Variants in SLAMF6 observed in about 807,000 individuals in gnomAD.
The protein encoded by SLAMF6 is NK-T-B-antigen.
A neutral mutation model predicts 38.3 loss-of-function variants in SLAMF6; 21 were observed. The observed-to-expected ratio is 0.55, with a 90% CI of 0.39 to 0.79. The LOEUF (loss-of-function observed/expected upper bound fraction) is 0.79. SLAMF6 is among the 30% of genes least tolerant of loss of function. SLAMF6 has a pLI of 0.00. For missense variants in SLAMF6, 341 were observed against 385.3 expected (o/e 0.89, Z 0.96); for synonymous variants, 152 against 146.3 (o/e 1.04, Z -0.28).
intron 1 of SLAMF6, among the ~76,000 whole-genome samples, chr1:160,519,170 A>G (rs370054880): frequency 2.0e-5 from 3 of 152,234 alleles, no homozygotes; most frequent in South Asian, 2.1e-4. Context: ...CATTTCTCCA[A>G]AGAGGATATA....
chr1:160,518,745 G>T, intron 1 of SLAMF6, among the ~76,000 whole-genome samples: 1 of 151,796 alleles, frequency 6.6e-6, no homozygotes, highest in East Asian at 1.9e-4. Context: ...GAAGGGGAAT[G>T]ACACACACTG....
intron 1 of SLAMF6, among the ~76,000 whole-genome samples, chr1:160,520,570 A>G (rs1235519492): frequency 6.6e-6 from 1 of 152,206 alleles, no homozygotes; most frequent in Non-Finnish European, 1.5e-5. Flanking sequence ...AAAAATCAAA[A>G]TGAAGAAACA....
Position 160,486,571 on chromosome 1 carries a change from T to A in SLAMF6, c.*136A>T. 1 of 839,180 alleles carries A rather than the reference T, an allele frequency of 1.2e-6. No individual in the cohort carries two copies. The allele number at this position is 839,180 out of a possible 1,614,324, so 52.0% of individuals were successfully genotyped here. A position where few individuals can be genotyped will look rare whatever the true frequency, so the allele number is the denominator to read the frequency against. On this transcript the variant is annotated 3_prime_UTR_variant, in exon 8 of 8. Coordinates refer to ENST00000368057, the MANE Select transcript of SLAMF6 (RefSeq NM_001184714.2). The stretch of plus-strand genomic sequence containing the variant: ...GTAGGCAGGTTTAAGTCCGAAGGAC[T>A]GGAGGTGATCATCCTATCCTAGATA...
intron 2 of SLAMF6, among the ~76,000 whole-genome samples, chr1:160,493,072 T>G (rs1398608606): frequency 6.6e-6 from 1 of 152,218 alleles, no homozygotes; most frequent in East Asian, 1.9e-4. Flanking sequence ...CAAAACCTTC[T>G]GATGGTTTTC....
chr1:160,496,364 G>A lies in SLAMF6; in HGVS notation c.79C>T (p.Pro27Ser). 6.2e-7 allele frequency: 1 copy of A among 1,613,512 alleles called. No individual in the cohort carries two copies. Among genetic ancestry groups the A allele is most frequent in the East Asian group, 2.2e-5 (1 of 44,872 alleles). ...CCCAGAATCCCGTTCACCATCAATG[G>A]GGTTAAGCTGCTTTGTGAAACTACA... Reference protein sequence around the residue: ...GNVVSQSSLTPLMVNGILGES... With the variant: ...GNVVSQSSLTSLMVNGILGES... Residue 27 changes from proline to serine, a missense_variant, in exon 2 of 8, where the codon CCA (proline) becomes TCA (serine). Pro to Ser is a moderately conservative substitution (Grantham distance 74). Transcript: ENST00000368057.
chr1:160,502,075 G>A (rs1259381659), intron 1 of SLAMF6, among the ~76,000 whole-genome samples: 1 of 152,190 alleles, frequency 6.6e-6, no homozygotes, highest in Non-Finnish European at 1.5e-5. Context: ...GTTGTGGTGT[G>A]GCCCAGAGGG....
At chr1:160,505,382 T>C (rs1165302894) in intron 1 of SLAMF6, among the ~76,000 whole-genome samples, 2 of 152,188 alleles carry the variant, frequency 1.3e-5, no homozygotes, top group Non-Finnish European at 2.9e-5. Flanking sequence ...AGATACTGGA[T>C]TTGCTAGACA....
intron 1 of SLAMF6, among the ~76,000 whole-genome samples, chr1:160,521,418 A>G (rs1654977682): frequency 6.6e-6 from 1 of 152,160 alleles, no homozygotes; most frequent in Non-Finnish European, 1.5e-5. Context: ...AATAGGGAGA[A>G]GAAGAGGAGT....
At chr1:160,504,307 T>A (rs1654068493) in intron 1 of SLAMF6, among the ~76,000 whole-genome samples, 1 of 152,208 alleles carries the variant, frequency 6.6e-6, no homozygotes, top group East Asian at 1.9e-4. Context: ...CAGTGCAAGA[T>A]AATGAATATG....
At chr1:160,505,564 G>A (rs536171881) in intron 1 of SLAMF6, among the ~76,000 whole-genome samples, 1 of 152,134 alleles carries the variant, frequency 6.6e-6, no homozygotes, top group Admixed American at 6.6e-5. Flanking sequence ...ACCATCCCTG[G>A]CTAATTTTTA....
intron 1 of SLAMF6, among the ~76,000 whole-genome samples, chr1:160,509,341 C>A (rs529528483): frequency 2.6e-5 from 4 of 152,316 alleles, no homozygotes; most frequent in Non-Finnish European, 5.9e-5. Flanking sequence ...AGGAAGAGCT[C>A]TTGTCCTTTG....
chr1:160,499,566 T>C (rs1653772452), intron 1 of SLAMF6, among the ~76,000 whole-genome samples: 1 of 152,144 alleles, frequency 6.6e-6, no homozygotes, highest in African/African-American at 2.4e-5. Context: ...TCCATATGAA[T>C]TTTAGAATGG....
At position 160,486,552 on chromosome 1, in the gene SLAMF6, A is replaced by C. The variant is rs1652970677; in HGVS notation, c.*155T>G. Reference sequence around the variant, plus strand: ...CCTTAGGTGTTTGACTCAGGTAGGCAGGTTTAAGTCCGAAGGACTGGAGGT... The same window carrying C: ...CCTTAGGTGTTTGACTCAGGTAGGCCGGTTTAAGTCCGAAGGACTGGAGGT... On this transcript the variant is annotated 3_prime_UTR_variant, in exon 8 of 8. Coordinates refer to ENST00000368057, the MANE Select transcript of SLAMF6 (RefSeq NM_001184714.2). The C allele has an allele frequency of 1.5e-6, 1 of 668,900 alleles. No individual in the cohort carries two copies. Among genetic ancestry groups the C allele is most frequent in the Non-Finnish European group, 2.6e-6 (1 of 390,152 alleles). The allele number at this position is 668,900 out of a possible 1,614,324, so 41.4% of individuals were successfully genotyped here. A position where few individuals can be genotyped will look rare whatever the true frequency, so the allele number is the denominator to read the frequency against.
At chr1:160,488,682 T>TG (rs1348383149) in intron 6 of SLAMF6, among the ~76,000 whole-genome samples, 9 of 152,128 alleles carry the variant, frequency 5.9e-5, no homozygotes, top group African/African-American at 2.2e-4. Context: ...GAGTGAGAAG[T>TG]CAGCCACCTG....
intron 1 of SLAMF6, among the ~76,000 whole-genome samples, chr1:160,509,265 C>A (rs1654347189): frequency 6.6e-6 from 1 of 152,148 alleles, no homozygotes; most frequent in Non-Finnish European, 1.5e-5. Context: ...AAATGTCCAA[C>A]AATGATAGAC....
Position 160,496,030 on chromosome 1 carries a change from A to T in SLAMF6, c.382+31T>A, listed in dbSNP as rs1653557091. The T allele has an allele frequency of 2.5e-6, 4 of 1,578,454 alleles. No homozygotes were observed. In the South Asian group the frequency reaches 4.5e-5, roughly 18 times the overall value. On this transcript the variant is annotated intron_variant, in intron 2 of 7. Transcript: ENST00000368057. ...GGAATACATGTATATTTTTCAGTCC[A>T]TATGGAATTAAACCCCATATTTTGA...
chr1:160,522,604 C>T (rs4304580), intron 1 of SLAMF6, among the ~76,000 whole-genome samples: 2 of 145,624 alleles, frequency 1.4e-5, no homozygotes, highest in Non-Finnish European at 3.0e-5. Flanking sequence ...CTAATTTGCA[C>T]TAAAGGAGGG....
At chr1:160,502,205 G>T (rs963223108) in intron 1 of SLAMF6, among the ~76,000 whole-genome samples, 1 of 152,168 alleles carries the variant, frequency 6.6e-6, no homozygotes, top group Non-Finnish European at 1.5e-5. Context: ...CATCTAAATG[G>T]CTCTGCTGGC....
intron 1 of SLAMF6, among the ~76,000 whole-genome samples, chr1:160,521,720 A>G (rs1654993739): frequency 6.6e-6 from 1 of 152,100 alleles, no homozygotes; most frequent in African/African-American, 2.4e-5. Context: ...TTCCTCATGT[A>G]TAGCACACTG....
Sources: allele counts gnomAD v4.1 joint callset (sites outside exome capture counted in the v4.1 genomes callset), GRCh38; gene constraint gnomAD v4.1.1; transcripts MANE v1.5; gene names NCBI Gene and HGNC (gene_info 2026-07-23, HGNC 2026-07-21).